TRIM33: variants seen among roughly 807,000 people sequenced by gnomAD.
TRIM33 encodes the protein E3 ubiquitin-protein ligase TRIM33.
TRIM33 carries 20 observed loss-of-function variants against 125.4 expected under a neutral mutation model. The ratio of observed to expected loss-of-function variants is 0.16; its 90% CI spans 0.11 to 0.23. The LOEUF (loss-of-function observed/expected upper bound fraction) is 0.23, where lower values mean the gene tolerates loss of function less well. Ranked by LOEUF, TRIM33 falls within the 10% of genes least tolerant of loss-of-function variation. The pLI, the probability that TRIM33 is intolerant of heterozygous loss-of-function variation, is 1.00. For synonymous variants in TRIM33, 564 were observed against 513.9 expected (o/e 1.10, Z -1.32); for missense variants, 920 against 1,411.4 (o/e 0.65, Z 5.58).
chr1:114,452,449 ACT>A (rs1050100320), intron 4 of TRIM33, among the ~76,000 whole-genome samples: 4 of 151,794 alleles, frequency 2.6e-5, no homozygotes, highest in Admixed American at 1.3e-4. Flanking sequence ...ACAGAGTGAG[ACT>A]CTGTCTCAAA....
chr1:114,419,399 T>C (rs1264771435), intron 11 of TRIM33, among the ~76,000 whole-genome samples: 1 of 152,146 alleles, frequency 6.6e-6, no homozygotes. Flanking sequence ...GGTGGGCAGA[T>C]AACCCGTCAG....
chr1:114,461,432 C>T (rs11582166), intron 4 of TRIM33, among the ~76,000 whole-genome samples: 22,028 of 150,814 alleles, frequency 0.15, 1,890 homozygotes, highest in Non-Finnish European at 0.19. Flanking sequence ...TCCAGGTAGA[C>T]GGCGACAGAA....
At chr1:114,493,743 G>C (rs1005895583) in intron 1 of TRIM33, among the ~76,000 whole-genome samples, 1 of 152,112 alleles carries the variant, frequency 6.6e-6, no homozygotes, top group African/African-American at 2.4e-5. Context: ...ACAATCACAG[G>C]TCAATGCAGC....
rs1379021995 is a variant in TRIM33, at chr1:114,491,191, TATATTA to T, written c.526+19354_526+19359del. ...TGTGAATTAAGTTTTAATGAGTGGCTATATTAATATAAGATCAAATAGACTTCAGAA... is the reference window on the plus strand; with the variant it reads ...TGTGAATTAAGTTTTAATGAGTGGCTATATAAGATCAAATAGACTTCAGAA... On this transcript the variant is annotated intron_variant, in intron 1 of 19. Transcript: ENST00000358465. Among the ~76,000 whole-genome samples, 4 of 152,354 alleles carry T rather than the reference TATATTA, an allele frequency of 2.6e-5. 1 individual carries two copies. The highest frequency in any genetic ancestry group is 4.1e-4 in the South Asian group (2 of 4,830).
intron 14 of TRIM33, 84 bp downstream of exon 14, chr1:114,406,857 C>T: frequency 3.0e-6 from 4 of 1,327,204 alleles, no homozygotes; most frequent in South Asian, 1.5e-5. Context: ...TCTAGACCCA[C>T]TACTTAGTCT....
At chr1:114,450,255 G>A (rs984240302) in intron 4 of TRIM33, among the ~76,000 whole-genome samples, 5 of 151,944 alleles carry the variant, frequency 3.3e-5, no homozygotes, top group East Asian at 1.9e-4. Flanking sequence ...GCAAAATTCC[G>A]TCTCAAAAAA....
Position 114,395,147 on chromosome 1 carries a change from G to C in TRIM33, c.*2501C>G, listed in dbSNP as rs558245471. On this transcript the variant is annotated 3_prime_UTR_variant, in exon 20 of 20. Coordinates refer to ENST00000358465, the MANE Select transcript of TRIM33 (RefSeq NM_015906.4). ...GAAAAAATCAGCTTAGAAACACAACGATCAGTGTGCAAGAAAAAAGCTTTA... is the reference window on the plus strand; with the variant it reads ...GAAAAAATCAGCTTAGAAACACAACCATCAGTGTGCAAGAAAAAAGCTTTA... 3.5e-5 allele frequency: 7 copies of C among 198,990 alleles called. No homozygotes were observed. In the Admixed American group the frequency reaches 4.2e-4, roughly 12 times the overall value. 12.3% of individuals were successfully genotyped at this position (198,990 alleles called of 1,614,324 possible). A position where few individuals can be genotyped will look rare whatever the true frequency, so the allele number is the denominator to read the frequency against.
intron 11 of TRIM33, among the ~76,000 whole-genome samples, chr1:114,414,818 A>G (rs958002762): frequency 5.9e-5 from 9 of 152,192 alleles, no homozygotes; most frequent in Non-Finnish European, 7.4e-5. Flanking sequence ...CCTATTAAGC[A>G]TAATACAAAA....
At chr1:114,439,994 G>A (rs929806807) in intron 4 of TRIM33, among the ~76,000 whole-genome samples, 1 of 152,102 alleles carries the variant, frequency 6.6e-6, no homozygotes, top group African/African-American at 2.4e-5. Context: ...TGTGATGATG[G>A]ATTCACAGTC....
chr1:114,480,141 T>G (rs978646296), intron 1 of TRIM33, among the ~76,000 whole-genome samples: 5 of 152,256 alleles, frequency 3.3e-5, no homozygotes, highest in African/African-American at 1.2e-4. Context: ...CTAAGAAAGA[T>G]TCTTCTGCCT....
At chr1:114,407,970 G>A (rs1652349566) in intron 13 of TRIM33, among the ~76,000 whole-genome samples, 1 of 152,042 alleles carries the variant, frequency 6.6e-6, no homozygotes, top group Non-Finnish European at 1.5e-5. Context: ...AAATAATAGA[G>A]CTAAACAATG....
chr1:114,444,932 A>T (rs559742462), intron 4 of TRIM33, among the ~76,000 whole-genome samples: 1 of 152,246 alleles, frequency 6.6e-6, no homozygotes, highest in Non-Finnish European at 1.5e-5. Flanking sequence ...TTAAATGAAC[A>T]TAGGTTCTTA....
chr1:114,505,451 T>C (rs1157417987), intron 1 of TRIM33, among the ~76,000 whole-genome samples: 1 of 152,184 alleles, frequency 6.6e-6, no homozygotes. Context: ...GCATGGTCTG[T>C]GATAAACAGA....
At chr1:114,417,143 T>C in intron 11 of TRIM33, among the ~76,000 whole-genome samples, 1 of 152,170 alleles carries the variant, frequency 6.6e-6, no homozygotes, top group East Asian at 1.9e-4. Context: ...TATAATTCCA[T>C]TCACATGTGG....
intron 18 of TRIM33, among the ~76,000 whole-genome samples, chr1:114,399,243 G>A (rs1651730985): frequency 1.3e-5 from 2 of 151,800 alleles, no homozygotes; most frequent in African/African-American, 4.8e-5. Context: ...AAGGATATTT[G>A]ATAATATTCT....
rs1316801000 is a variant in TRIM33, at chr1:114,510,953, G to C, written c.124C>G (p.Leu42Val). Residue 42 changes from leucine (L) to valine (V), a missense_variant, in exon 1 of 20, where the codon CTG becomes GTG. Transcript: ENST00000358465. Reference protein sequence around the residue: ...QEAEPPLTAVLVEEEEEEGGR... With the variant: ...QEAEPPLTAVVVEEEEEEGGR... ...CCTTCCTCCTCCTCCTCCTCCACCA[G>C]CACCGCGGTGAGAGGCGGCTCCGCC... The C allele has an allele frequency of 1.4e-6, 2 of 1,393,820 alleles. No homozygotes were observed. The highest frequency in any genetic ancestry group is 3.0e-5 in the African/African-American group (2 of 66,324). The allele number at this position is 1,393,820 out of a possible 1,614,324, so 86.3% of individuals were successfully genotyped here. A position where few individuals can be genotyped will look rare whatever the true frequency, so the allele number is the denominator to read the frequency against.
intron 13 of TRIM33, 125 bp downstream of exon 13, chr1:114,408,552 T>A: frequency 1.7e-6 from 1 of 591,052 alleles, no homozygotes; most frequent in South Asian, 2.0e-5. Flanking sequence ...AGATTGGCCA[T>A]TATTTGATCA....
chr1:114,462,156 T>C (rs368889804), intron 4 of TRIM33, among the ~76,000 whole-genome samples: 2 of 152,172 alleles, frequency 1.3e-5, no homozygotes, highest in African/African-American at 4.8e-5. Context: ...ATAATACTAG[T>C]ACCTAAACCT....
intron 4 of TRIM33, among the ~76,000 whole-genome samples, chr1:114,451,568 T>G (rs1649316615): frequency 6.6e-6 from 1 of 152,086 alleles, no homozygotes; most frequent in South Asian, 2.1e-4. Context: ...CTATAGCTGC[T>G]TTCCTTTTTC....
Sources: gnomAD v4.1 joint callset for allele counts (sites outside exome capture counted in the v4.1 genomes callset) on GRCh38, gnomAD v4.1.1 for gene constraint, MANE v1.5 for transcripts, NCBI Gene and HGNC (gene_info 2026-07-23, HGNC 2026-07-21) for gene names.